The following CADM2 variants were observed in gnomAD, a reference collection of about 807,000 sequenced individuals.
The protein encoded by CADM2 is immunoglobulin superfamily member 4D.
In CADM2, 12 loss-of-function variants were observed where a neutral mutation model predicts 49.8. That is an observed-to-expected ratio of 0.24 (90% confidence interval 0.15 to 0.39). The LOEUF is 0.39. Ranked by LOEUF, CADM2 falls within the 10% of genes least tolerant of loss-of-function variation. CADM2 has a pLI of 1.00. For synonymous variants in CADM2, 214 were observed against 175.4 expected, an observed-to-expected ratio of 1.22 and a Z score of -1.74; for missense variants, 378 against 492.3, an observed-to-expected ratio of 0.77 and a Z score of 2.20.
intron 1 of CADM2, among the ~76,000 whole-genome samples, chr3:85,114,685 A>T (rs2038579620): frequency 6.6e-6 from 1 of 152,162 alleles, no homozygotes; most frequent in African/African-American, 2.4e-5. Flanking sequence ...TTGTGTTTAA[A>T]TATCTACTCT....
chr3:85,536,809 A>C (rs551430873), intron 1 of CADM2, among the ~76,000 whole-genome samples: 1 of 151,764 alleles, frequency 6.6e-6, no homozygotes, highest in African/African-American at 2.4e-5. Context: ...TTAGACTATT[A>C]TATATATATA....
chr3:85,907,375 C>A (rs1377190377), intron 5 of CADM2, among the ~76,000 whole-genome samples: 1 of 152,154 alleles, frequency 6.6e-6, no homozygotes, highest in Non-Finnish European at 1.5e-5. Context: ...TAAGACCATG[C>A]TGTTTTGCTC....
chr3:85,426,362 G>A (rs2036405251), intron 1 of CADM2, among the ~76,000 whole-genome samples: 1 of 151,998 alleles, frequency 6.6e-6, no homozygotes, highest in African/African-American at 2.4e-5. Flanking sequence ...CAGCTGCTGG[G>A]CTCAAGAGAC....
intron 3 of CADM2, among the ~76,000 whole-genome samples, chr3:85,822,341 T>G (rs1421381028): frequency 6.6e-6 from 1 of 152,154 alleles, no homozygotes; most frequent in Non-Finnish European, 1.5e-5. Flanking sequence ...CCCAGCACTT[T>G]GGGAGGCCGA....
At chr3:85,754,558 C>T (rs1471675096) in intron 2 of CADM2, among the ~76,000 whole-genome samples, 2 of 152,132 alleles carry the variant, frequency 1.3e-5, no homozygotes, top group Non-Finnish European at 2.9e-5. Context: ...TATGCTTTAC[C>T]TACAGATCAC....
At chr3:85,504,663 C>T (rs968150340) in intron 1 of CADM2, among the ~76,000 whole-genome samples, 1 of 152,180 alleles carries the variant, frequency 6.6e-6, no homozygotes, top group Non-Finnish European at 1.5e-5. Flanking sequence ...GCCAGTCCCG[C>T]GCCGTGCGCC....
intron 1 of CADM2, among the ~76,000 whole-genome samples, chr3:85,372,535 A>C (rs1366389999): frequency 1.3e-5 from 2 of 152,010 alleles, no homozygotes; most frequent in Non-Finnish European, 2.9e-5. Flanking sequence ...GGTCATCTAG[A>C]AACAATTTTA....
At chr3:85,595,709 G>T (rs1559932573) in intron 1 of CADM2, among the ~76,000 whole-genome samples, 1 of 151,898 alleles carries the variant, frequency 6.6e-6, no homozygotes, top group Non-Finnish European at 1.5e-5. Flanking sequence ...AATCTCTTCT[G>T]TCACAAGGAG....
chr3:85,900,067 C>T (rs1056181245), intron 5 of CADM2, among the ~76,000 whole-genome samples: 25 of 152,138 alleles, frequency 1.6e-4, no homozygotes, highest in Non-Finnish European at 2.9e-4. Flanking sequence ...TGCAACGCAT[C>T]GTGTAAAATC....
chr3:85,264,194 C>G (rs2043073037), intron 1 of CADM2, among the ~76,000 whole-genome samples: 1 of 152,094 alleles, frequency 6.6e-6, no homozygotes, highest in Non-Finnish European at 1.5e-5. Flanking sequence ...CACAGACTTT[C>G]CTATTAATTC....
intron 1 of CADM2, among the ~76,000 whole-genome samples, chr3:85,348,768 C>A (rs2031034220): frequency 1.3e-5 from 2 of 152,142 alleles, no homozygotes; most frequent in African/African-American, 4.8e-5. Context: ...AAAATTAATA[C>A]AATCTTAACA....
chr3:85,135,698 G>A (rs969915517), intron 1 of CADM2, among the ~76,000 whole-genome samples: 7 of 152,098 alleles, frequency 4.6e-5, no homozygotes, highest in African/African-American at 1.7e-4. Flanking sequence ...TTAATCAGTT[G>A]TAAATATTAT....
At chr3:85,961,376 T>C (rs1232959810) in intron 7 of CADM2, 93 bp from the exon 8 acceptor site, 1 of 1,090,764 alleles carries the variant, frequency 9.2e-7, no homozygotes, top group Non-Finnish European at 1.3e-6. Context: ...GTGTACAAAA[T>C]ACATGTTAAA....
intron 1 of CADM2, among the ~76,000 whole-genome samples, chr3:85,554,214 G>A (rs1268074055): frequency 6.6e-6 from 1 of 152,154 alleles, no homozygotes; most frequent in Non-Finnish European, 1.5e-5. Flanking sequence ...CTCGTAAGGA[G>A]TATGCAGCTT....
At chr3:85,402,201 A>G (rs1252402769) in intron 1 of CADM2, among the ~76,000 whole-genome samples, 1 of 152,140 alleles carries the variant, frequency 6.6e-6, no homozygotes. Flanking sequence ...ATACTAACAG[A>G]AAAGCAAAAG....
intron 8 of CADM2, among the ~76,000 whole-genome samples, chr3:86,063,192 CG>C (rs991456548): frequency 1.3e-5 from 2 of 152,146 alleles, no homozygotes; most frequent in Middle Eastern, 3.4e-3. Context: ...GCTCAAGATC[CG>C]CAGATATGCA....
At chr3:85,101,946 C>A in intron 1 of CADM2, among the ~76,000 whole-genome samples, 1 of 152,110 alleles carries the variant, frequency 6.6e-6, no homozygotes, top group East Asian at 1.9e-4. Context: ...GTGTCAGTTT[C>A]TCTTAATTGG....
intron 8 of CADM2, among the ~76,000 whole-genome samples, chr3:85,978,065 G>A (rs1402193256): frequency 1.3e-5 from 2 of 151,622 alleles, no homozygotes; most frequent in Non-Finnish European, 3.0e-5. Flanking sequence ...AGGGCTATGT[G>A]ACAAACATGT....
In CADM2 at chr3:85,839,509, A is replaced by G. The variant is rs558820332; in HGVS notation, c.238+37313A>G. On this transcript the variant is annotated intron_variant, in intron 3 of 9. Transcript: ENST00000383699. ...TTTTTTTGGTTTTAACCTTAGGACT[A>G]TTTCTTTGTACTAGCTACTCTGCTG... 5.3e-5 allele frequency among the ~76,000 whole-genome samples: 8 copies of G among 151,832 alleles called. 1 individual carries two copies. The South Asian group carries it at 1.4e-3, about 28-fold the overall frequency.
Sources: allele counts gnomAD v4.1 joint callset (sites outside exome capture counted in the v4.1 genomes callset), GRCh38; gene constraint gnomAD v4.1.1; transcripts MANE v1.5; gene names NCBI Gene and HGNC (gene_info 2026-07-23, HGNC 2026-07-21).